SLC30A4: variants seen among roughly 807,000 people sequenced by gnomAD.
SLC30A4 encodes the protein probable proton-coupled zinc antiporter SLC30A4.
Under a neutral mutation model 41.7 loss-of-function variants are expected in SLC30A4, and 20 were observed. The ratio of observed to expected loss-of-function variants is 0.48; its 90% confidence interval spans 0.34 to 0.70. The LOEUF is 0.70. SLC30A4 is among the 30% of genes least tolerant of loss of function. SLC30A4 has a pLI of 0.01. For missense variants in SLC30A4, 441 were observed against 529.3 expected (o/e 0.83, Z 1.64); for synonymous variants, 181 against 195.9 (o/e 0.92, Z 0.64).
At chr15:45,502,256 ATGTATTTTTAG>A (rs958518244) in intron 3 of SLC30A4, 1 of 151,222 alleles carries the variant, frequency 6.6e-6, no homozygotes, top group African/African-American at 2.4e-5. Context: ...CATGTGCCAC[ATGTATTTTTAG>A]TTGAGATGGG....
intron 3 of SLC30A4, among the ~76,000 whole-genome samples, 180 bp from the exon 4 acceptor site, chr15:45,491,061 C>T (rs953633901): frequency 6.6e-6 from 1 of 152,104 alleles, no homozygotes; most frequent in African/African-American, 2.4e-5. Flanking sequence ...CTCTGTCACC[C>T]AGGCTGGAAT....
chr15:45,489,113 CTA>C, intron 4 of SLC30A4, 71 bp from the exon 5 acceptor site: 9 of 1,050,546 alleles, frequency 8.6e-6, no homozygotes, highest in Non-Finnish European at 1.1e-5. Flanking sequence ...TAGTCAGACA[CTA>C]ATGAGGTAAC....
chr15:45,511,251 G>A lies in SLC30A4; in HGVS notation c.425C>T (p.Thr142Ile). The A allele has an allele frequency of 1.2e-6, 2 of 1,611,446 alleles. No individual in the cohort carries two copies. The highest frequency in any genetic ancestry group is 1.7e-4 in the Middle Eastern group (1 of 6,056). ...GYIANSLAIM[T>I]DALHMLTDLS... is the part of the protein sequence containing the mutation. ...GTCAGTTAACATATGAAGTGCATCT[G>A]TCATGATTGCTAGGCTATTTGCAAT... The change falls in exon 3 of 8, where the codon ACA becomes ATA. Residue 142 changes from threonine to isoleucine, a missense_variant. Transcript: ENST00000261867.
chr15:45,493,146 C>T (rs1345675162), intron 3 of SLC30A4, among the ~76,000 whole-genome samples: 3 of 152,078 alleles, frequency 2.0e-5, no homozygotes, highest in Non-Finnish European at 4.4e-5. Context: ...GTGGTGGGTG[C>T]CTGTAATCCC....
In SLC30A4 at chr15:45,511,130, C is replaced by G; in HGVS notation, c.538+8G>C. On this transcript the variant is annotated splice_region_variant and intron_variant, in intron 3 of 7. Coordinates refer to ENST00000261867, the MANE Select transcript of SLC30A4 (RefSeq NM_013309.6). Reference sequence around the variant, plus strand: ...TATTATAAAGCAAAAGAAACACCAACTACCTACCTAAGCGATGAAATCCAA... The same window carrying G: ...TATTATAAAGCAAAAGAAACACCAAGTACCTACCTAAGCGATGAAATCCAA... 1 of 1,609,306 alleles carries G rather than the reference C, an allele frequency of 6.2e-7. No individual in the cohort carries two copies. Among genetic ancestry groups the G allele is most frequent in the South Asian group, 1.1e-5 (1 of 90,384 alleles).
intron 2 of SLC30A4, 120 bp downstream of exon 2, chr15:45,521,844 T>C: frequency 2.1e-6 from 2 of 972,462 alleles, no homozygotes; most frequent in Non-Finnish European, 3.1e-6. Context: ...ATGAGATCAG[T>C]GTCTTGATAA....
At chr15:45,503,217 A>C (rs922051617) in intron 3 of SLC30A4, among the ~76,000 whole-genome samples, 3 of 152,270 alleles carry the variant, frequency 2.0e-5, no homozygotes, top group Non-Finnish European at 2.9e-5. Context: ...GGAGAAGCAA[A>C]GGCACAGTAA....
intron 3 of SLC30A4, among the ~76,000 whole-genome samples, chr15:45,500,759 C>G (rs939397860): frequency 6.6e-6 from 1 of 151,634 alleles, no homozygotes; most frequent in Non-Finnish European, 1.5e-5. Context: ...CTTGGCTCAC[C>G]GCAACCTCTG....
At chr15:45,491,695 C>CT (rs1891812930) in intron 3 of SLC30A4, among the ~76,000 whole-genome samples, 1 of 152,102 alleles carries the variant, frequency 6.6e-6, no homozygotes, top group East Asian at 1.9e-4. Context: ...GATCAAGACT[C>CT]TATCTCTAAA....
chr15:45,487,392 T>C (rs1891724414), intron 6 of SLC30A4, 135 bp downstream of exon 6: 1 of 484,382 alleles, frequency 2.1e-6, no homozygotes, highest in Non-Finnish European at 3.8e-6. Context: ...GTTACATACA[T>C]GTAAGGTACT....
At chr15:45,485,420 T>G (rs1163511013) in intron 7 of SLC30A4, 103 bp from the exon 8 acceptor site, 1 of 756,470 alleles carries the variant, frequency 1.3e-6, no homozygotes, top group South Asian at 2.0e-5. Flanking sequence ...ATATTTTTAT[T>G]AGTCTGATTT....
At chr15:45,487,993 G>C (rs1271474381) in intron 5 of SLC30A4, among the ~76,000 whole-genome samples, 1 of 145,002 alleles carries the variant, frequency 6.9e-6, no homozygotes, top group Non-Finnish European at 1.5e-5. Flanking sequence ...GTGTGTGTGT[G>C]TGTGTGTGTT....
intron 3 of SLC30A4, among the ~76,000 whole-genome samples, chr15:45,504,397 G>C (rs1034546592): frequency 1.3e-5 from 2 of 152,082 alleles, no homozygotes; most frequent in Non-Finnish European, 2.9e-5. Flanking sequence ...AGTATAAGTA[G>C]AGACGGACAA....
intron 3 of SLC30A4, among the ~76,000 whole-genome samples, chr15:45,505,596 T>C (rs1373303463): frequency 1.3e-5 from 2 of 152,218 alleles, no homozygotes; most frequent in Non-Finnish European, 2.9e-5. Flanking sequence ...AGCTCTGACA[T>C]TTTCAAACCA....
intron 4 of SLC30A4, among the ~76,000 whole-genome samples, chr15:45,489,340 G>A (rs1458991567): frequency 6.6e-6 from 1 of 152,114 alleles, no homozygotes; most frequent in Non-Finnish European, 1.5e-5. Flanking sequence ...TAAGGGGATG[G>A]AGGATGATGG....
intron 3 of SLC30A4, among the ~76,000 whole-genome samples, chr15:45,499,805 A>G (rs1265542218): frequency 6.6e-6 from 1 of 152,214 alleles, no homozygotes; most frequent in Non-Finnish European, 1.5e-5. Flanking sequence ...ATCTTCCTAC[A>G]AAAAGCTGAT....
At chr15:45,487,357 T>C (rs1034252415) in intron 6 of SLC30A4, among the ~76,000 whole-genome samples, 170 bp downstream of exon 6, 2 of 152,176 alleles carry the variant, frequency 1.3e-5, no homozygotes, top group Non-Finnish European at 2.9e-5. Flanking sequence ...GGGTAAAAGA[T>C]GGGAGAGTTC....
chr15:45,503,222 C>G lies in SLC30A4; in HGVS notation c.538+7916G>C, dbSNP rs1892076898. ...TATTACAGAAGGAGAAGCAAAGGCA[C>G]AGTAAAACTATTTACCCTAGATCAA... On this transcript the variant is annotated intron_variant, in intron 3 of 7. Transcript: ENST00000261867. 2.0e-5 allele frequency among the ~76,000 whole-genome samples: 3 copies of G among 152,138 alleles called. No homozygotes were observed. The South Asian group carries it at 6.2e-4, about 32-fold the overall frequency.
intron 3 of SLC30A4, among the ~76,000 whole-genome samples, chr15:45,509,302 G>A (rs551492645): frequency 8.8e-5 from 13 of 148,282 alleles, no homozygotes; most frequent in Non-Finnish European, 1.6e-4. Flanking sequence ...CGCCCAGAAT[G>A]GAGTGCAGCA....
Sources: gnomAD v4.1 joint callset for allele counts (sites outside exome capture counted in the v4.1 genomes callset) on GRCh38, gnomAD v4.1.1 for gene constraint, MANE v1.5 for transcripts, NCBI Gene and HGNC (gene_info 2026-07-23, HGNC 2026-07-21) for gene names.